The following ARHGAP32 variants were observed in gnomAD, a reference collection of about 807,000 sequenced individuals.
ARHGAP32 encodes Rho GTPase activating protein 32, also known as rho GTPase-activating protein 32.
Under a neutral mutation model 186.5 loss-of-function variants are expected in ARHGAP32, and 51 were observed. The observed-to-expected ratio is 0.27, with a 90% confidence interval of 0.22 to 0.35. ARHGAP32 has a LOEUF of 0.35. Ranked by LOEUF, ARHGAP32 falls within the 10% of genes least tolerant of loss-of-function variation. The probability of loss-of-function intolerance (pLI) is 1.00; values close to 1 mark genes in which losing one functional copy is unlikely to be tolerated. For synonymous variants in ARHGAP32, 950 were observed against 964.3 expected, an observed-to-expected ratio of 0.99 and a Z score of 0.27; for missense variants, 2,186 against 2,623.5, an observed-to-expected ratio of 0.83 and a Z score of 3.64.
chr11:129,239,558 G>T (rs758220197), intron 1 of ARHGAP32, among the ~76,000 whole-genome samples: 1 of 152,094 alleles, frequency 6.6e-6, no homozygotes, highest in Non-Finnish European at 1.5e-5. Context: ...AATAGAAATT[G>T]GATGATACCA....
intron 10 of ARHGAP32, among the ~76,000 whole-genome samples, chr11:129,060,382 TAAGATAGAC>T (rs1940447006): frequency 2.8e-5 from 4 of 143,884 alleles, no homozygotes; most frequent in African/African-American, 5.3e-5. Context: ...GATAGATAGA[TAAGATAGAC>T]AGACAGACAG....
intron 5 of ARHGAP32, among the ~76,000 whole-genome samples, chr11:129,096,808 C>T (rs1229057698): frequency 6.6e-6 from 1 of 152,158 alleles, no homozygotes; most frequent in Non-Finnish European, 1.5e-5. Context: ...CTTCCCTGTC[C>T]CCCTTGATTT....
intron 1 of ARHGAP32, among the ~76,000 whole-genome samples, chr11:129,255,606 A>G (rs1945244635): frequency 6.6e-6 from 1 of 152,116 alleles, no homozygotes; most frequent in South Asian, 2.1e-4. Flanking sequence ...CAGCAGGAAA[A>G]GATACTCACA....
intron 1 of ARHGAP32, among the ~76,000 whole-genome samples, chr11:129,233,742 C>A (rs182892243): frequency 1.3e-5 from 2 of 151,250 alleles, no homozygotes; most frequent in Non-Finnish European, 2.9e-5. Context: ...ATGTATTACA[C>A]GGAATAAATG....
intron 1 of ARHGAP32, among the ~76,000 whole-genome samples, chr11:129,219,743 G>C (rs1303347013): frequency 6.6e-6 from 1 of 151,986 alleles, no homozygotes; most frequent in African/African-American, 2.4e-5. Context: ...GCTTTCACAA[G>C]AGCACTTTTT....
At chr11:129,230,698 A>G (rs1464479092) in intron 1 of ARHGAP32, among the ~76,000 whole-genome samples, 2 of 152,178 alleles carry the variant, frequency 1.3e-5, no homozygotes, top group Non-Finnish European at 2.9e-5. Context: ...TGAGAGTAAA[A>G]CTTTTTAAAA....
Position 129,192,069 on chromosome 11 carries a change from A to G in ARHGAP32, c.116+14T>C. ...GAGTGGACAGGACAAAGGAACTGTG[A>G]ATTCCATAATCACCTGAACTTCTCT... On this transcript the variant is annotated intron_variant, in intron 1 of 22. Coordinates refer to ENST00000682385, the MANE Select transcript of ARHGAP32 (RefSeq NM_001378024.1). 2 of 1,593,800 alleles carry G rather than the reference A, an allele frequency of 1.3e-6. No homozygotes were observed. The highest frequency in any genetic ancestry group is 1.7e-6 in the Non-Finnish European group (2 of 1,161,922).
Position 128,970,002 on chromosome 11 carries a change from G to A in ARHGAP32, c.5211C>T (p.Asp1737=). The change falls in exon 23 of 23, where the codon GAC becomes GAT. Residue 1737 remains aspartate, a synonymous_variant. Coordinates refer to ENST00000682385, the MANE Select transcript of ARHGAP32 (RefSeq NM_001378024.1). This position sits in a 1 kb window ranked among gnomAD's most constrained non-coding sequence, Gnocchi z 5.8. ...CCGGAGGCATGCTGACTACATTATG[G>A]TCGTTGGGAGAGAAATAGCCAGTCA... is the stretch of plus-strand genomic sequence containing the variant. ...ANVTGYFSPN[D]HNVVSMPPAA... is the part of the protein sequence containing the mutation. 1 of 1,614,194 alleles carries A rather than the reference G, an allele frequency of 6.2e-7. No homozygotes were observed. The highest frequency in any genetic ancestry group is 2.2e-5 in the East Asian group (1 of 44,884).
In ARHGAP32 at chr11:129,081,814, G is replaced by A. The variant is rs559956614; in HGVS notation, c.531+11807C>T. ...CTGGTAAAGAGGAAGTCAAACTGTCGCTGTTCACCAATGATATGATTGTAT... is the reference window on the plus strand; with the variant it reads ...CTGGTAAAGAGGAAGTCAAACTGTCACTGTTCACCAATGATATGATTGTAT... On this transcript the variant is annotated intron_variant, in intron 6 of 22. Coordinates refer to ENST00000682385, the MANE Select transcript of ARHGAP32 (RefSeq NM_001378024.1). 1.9e-3 allele frequency among the ~76,000 whole-genome samples: 290 copies of A among 151,986 alleles called. 2 individuals are homozygous for A. Among genetic ancestry groups the A allele is most frequent in the Non-Finnish European group, 3.2e-3 (215 of 67,864 alleles).
intron 5 of ARHGAP32, among the ~76,000 whole-genome samples, chr11:129,122,267 T>C (rs533865160): frequency 6.9e-4 from 105 of 152,186 alleles, no homozygotes; most frequent in Middle Eastern, 3.4e-3. Flanking sequence ...CCTATTTCTT[T>C]TCAATTTGCT....
chr11:129,158,390 G>A (rs1242953932), intron 2 of ARHGAP32, among the ~76,000 whole-genome samples: 2 of 146,872 alleles, frequency 1.4e-5, no homozygotes, highest in Non-Finnish European at 3.0e-5. Flanking sequence ...CCAAGCAAAT[G>A]GAAGGCAAAA....
At chr11:129,174,520 C>T (rs1350564974) in intron 1 of ARHGAP32, among the ~76,000 whole-genome samples, 1 of 152,328 alleles carries the variant, frequency 6.6e-6, no homozygotes, top group East Asian at 1.9e-4. Flanking sequence ...CAGCAGTAAC[C>T]TCTGCAGACT....
chr11:129,076,342 T>A (rs918167639), intron 6 of ARHGAP32, among the ~76,000 whole-genome samples: 1 of 152,236 alleles, frequency 6.6e-6, no homozygotes, highest in Non-Finnish European at 1.5e-5. Flanking sequence ...ATTTTTCTAA[T>A]AAACTTGCTT....
chr11:129,230,910 G>A (rs1429851216), intron 1 of ARHGAP32, among the ~76,000 whole-genome samples: 10 of 152,080 alleles, frequency 6.6e-5, no homozygotes, highest in African/African-American at 1.2e-4. Flanking sequence ...CAAGGTGGGC[G>A]GATCACTTGA....
At chr11:129,278,795 G>GCC (rs1945569131) in intron 1 of ARHGAP32, among the ~76,000 whole-genome samples, 1 of 151,228 alleles carries the variant, frequency 6.6e-6, no homozygotes, top group Non-Finnish European at 1.5e-5. Flanking sequence ...TGTCCCTGGA[G>GCC]CCCCCACTCG....
chr11:129,097,315 T>A (rs906881503), intron 5 of ARHGAP32, among the ~76,000 whole-genome samples: 25 of 152,198 alleles, frequency 1.6e-4, no homozygotes, highest in Non-Finnish European at 2.8e-4. Context: ...CAAATTTTTT[T>A]AATAAAAATA....
In ARHGAP32 at chr11:128,969,734, G is replaced by A. The variant is rs143557335; in HGVS notation, c.5479C>T (p.Arg1827Cys). The stretch of plus-strand genomic sequence containing the variant: ...GGACTGATGGCCTTGGCTGCATGGC[G>A]GCTCTCCTTTCCTTCTGCCACTGAG... ...LLSVAEGKES[R>C]HAAKAISPEG... is the part of the protein sequence containing the mutation. The change falls in exon 23 of 23, where the codon CGC becomes TGC. Residue 1827 changes from arginine to cysteine, a missense_variant. Physicochemically the swap from Arg to Cys is radical, Grantham distance 180 (BLOSUM62 -3). This residue lies in a region of ARHGAP32 where 1,502 missense variants were observed against 1,570.0 expected (regional missense o/e 0.96). Transcript: ENST00000682385. The surrounding 1 kb of genome is among the most constrained non-coding windows in gnomAD (Gnocchi z 4.8). 1.0e-4 allele frequency: 165 copies of A among 1,614,082 alleles called. No homozygotes were observed. Among genetic ancestry groups the A allele is most frequent in the Non-Finnish European group, 1.3e-4 (150 of 1,180,016 alleles).
At chr11:128,988,200 T>A in intron 12 of ARHGAP32, 75 bp from the exon 13 acceptor site, 2 of 1,098,718 alleles carry the variant, frequency 1.8e-6, no homozygotes, top group Non-Finnish European at 2.6e-6. Flanking sequence ...AATAAGATTG[T>A]CTTAGTTTAC....
intron 5 of ARHGAP32, among the ~76,000 whole-genome samples, chr11:129,106,212 C>T (rs1419500513): frequency 2.0e-5 from 3 of 152,170 alleles, no homozygotes; most frequent in African/African-American, 4.8e-5. Context: ...ACCAAAAAGA[C>T]GCATGCACTC....
Sources: allele counts gnomAD v4.1 joint callset (sites outside exome capture counted in the v4.1 genomes callset), GRCh38; gene constraint gnomAD v4.1.1; regional missense constraint gnomAD v4.1.1; non-coding constraint Gnocchi (gnomAD v3.1); transcripts MANE v1.5; gene names NCBI Gene and HGNC (gene_info 2026-07-23, HGNC 2026-07-21).